The following USH2A variants were observed in gnomAD, a reference collection of about 807,000 sequenced individuals.
USH2A encodes usherin, also known as Usher syndrome 2A (autosomal recessive, mild).
A neutral mutation model predicts 538.9 loss-of-function variants in USH2A; 443 were observed. That is an observed-to-expected ratio of 0.82 (90% CI 0.76 to 0.89). The LOEUF is 0.89. USH2A is among the 40% of genes least tolerant of loss of function. The pLI is 0.00. For synonymous variants in USH2A, 2,413 were observed against 2,273.5 expected (o/e 1.06, Z -1.75); for missense variants, 6,633 against 6,324.8 (o/e 1.05, Z -1.65).
chr1:216,245,272 C>A (rs931112541), intron 13 of USH2A, among the ~76,000 whole-genome samples: 4 of 152,098 alleles, frequency 2.6e-5, no homozygotes, highest in African/African-American at 9.7e-5. Context: ...GTACGTGACA[C>A]CCCTGGCCAC....
intron 20 of USH2A, among the ~76,000 whole-genome samples, chr1:216,185,580 TAA>T (rs2034582836): frequency 6.6e-6 from 1 of 151,902 alleles, no homozygotes. Context: ...CTATTAGACA[TAA>T]GAGTTAAATT....
chr1:216,383,793 G>A (rs2102736886), intron 3 of USH2A, among the ~76,000 whole-genome samples: 1 of 152,016 alleles, frequency 6.6e-6, no homozygotes, highest in South Asian at 2.1e-4. Flanking sequence ...TCCCATCTTA[G>A]CCTTCTGAGT....
At position 216,021,442 on chromosome 1, in the gene USH2A, T is replaced by C. The variant is rs181616412; in HGVS notation, c.6326-20880A>G. 1.1e-4 allele frequency among the ~76,000 whole-genome samples: 16 copies of C among 152,312 alleles called. No homozygotes were observed. The East Asian group carries it at 2.9e-3, about 28-fold the overall frequency. On this transcript the variant is annotated intron_variant, in intron 32 of 71. Coordinates refer to ENST00000307340, the MANE Select transcript of USH2A (RefSeq NM_206933.4). ...TAAGACATCTCTTGCTCTTCTGCCATGATTATGAGGCCTCCACAGCCATGT... is the reference window on the plus strand; with the variant it reads ...TAAGACATCTCTTGCTCTTCTGCCACGATTATGAGGCCTCCACAGCCATGT...
chr1:216,160,024 G>C (rs1253260916), intron 21 of USH2A, among the ~76,000 whole-genome samples: 1 of 151,882 alleles, frequency 6.6e-6, no homozygotes, highest in East Asian at 1.9e-4. Context: ...GCATCCCTGA[G>C]AGTAGTAATC....
chr1:216,212,053 A>C (rs2035252870), intron 15 of USH2A, among the ~76,000 whole-genome samples: 1 of 152,324 alleles, frequency 6.6e-6, no homozygotes. Flanking sequence ...ACTGACCTTC[A>C]GATGATTTTC....
At chr1:215,841,956 A>G (rs1663689210) in intron 46 of USH2A, among the ~76,000 whole-genome samples, 2 of 152,166 alleles carry the variant, frequency 1.3e-5, no homozygotes, top group African/African-American at 4.8e-5. Context: ...TATTTATATT[A>G]AAAAGAGGTA....
intron 61 of USH2A, among the ~76,000 whole-genome samples, chr1:215,683,152 T>A (rs1658294593): frequency 6.6e-6 from 1 of 152,028 alleles, no homozygotes; most frequent in Admixed American, 6.6e-5. Context: ...TGCGCAAAAG[T>A]GCTGGGATTA....
Position 216,323,522 on chromosome 1 carries a change from T to A in USH2A, c.1502A>T (p.Asn501Ile), listed in dbSNP as rs757710086. 6.2e-7 allele frequency: 1 copy of A among 1,613,510 alleles called. No individual in the cohort carries two copies. Among genetic ancestry groups the A allele is most frequent in the Non-Finnish European group, 8.5e-7 (1 of 1,179,718 alleles). The change falls in exon 8 of 72, where the codon AAC (asparagine) becomes ATC (isoleucine). Residue 501 changes from asparagine (N) to isoleucine (I), a missense_variant. Physicochemically the swap from Asn to Ile is moderately radical, Grantham distance 149. Coordinates refer to ENST00000307340, the MANE Select transcript of USH2A (RefSeq NM_206933.4). ...GQYYTTETAV[N>I]LRHRYYAVDE... ...CACTGCATAATATCTGTGTCTGAGG[T>A]TAACAGCAGTCTCAGTTGTATAGTA...
chr1:216,323,436 G>T lies in USH2A; in HGVS notation c.1550+38C>A, dbSNP rs1198650658. 3.7e-6 allele frequency: 6 copies of T among 1,601,338 alleles called. No individual in the cohort carries two copies. The East Asian group carries it at 9.0e-5, about 24-fold the overall frequency. ...AATGTGCTGTTAAGACAGTAAGTAT[G>T]ACAAAAACCTTGTTGAAAACAAAAT... On this transcript the variant is annotated intron_variant, in intron 8 of 71. Coordinates refer to ENST00000307340, the MANE Select transcript of USH2A (RefSeq NM_206933.4).
At chr1:216,240,696 T>G (rs969205495) in intron 13 of USH2A, among the ~76,000 whole-genome samples, 11 of 152,276 alleles carry the variant, frequency 7.2e-5, no homozygotes, top group Middle Eastern at 3.4e-3. Context: ...TATTCAAAAT[T>G]TTCTCCTCAA....
At chr1:215,904,713 T>C (rs997205554) in intron 38 of USH2A, among the ~76,000 whole-genome samples, 1 of 152,042 alleles carries the variant, frequency 6.6e-6, no homozygotes, top group African/African-American at 2.4e-5. Flanking sequence ...GACAACCTCC[T>C]GAATCAACAC....
In USH2A at chr1:215,799,184, C is replaced by T. The variant is rs115806383; in HGVS notation, c.9740-59G>A. ...AGTTAAAAAAATATGCTATGACTAACAATTAACTTTTATCACAATCATCTT... is the reference window on the plus strand; with the variant it reads ...AGTTAAAAAAATATGCTATGACTAATAATTAACTTTTATCACAATCATCTT... On this transcript the variant is annotated intron_variant, in intron 49 of 71. Transcript: ENST00000307340. 8.2e-4 allele frequency: 1,219 copies of T among 1,491,666 alleles called. 13 individuals carry two copies. In the African/African-American group the frequency reaches 0.013, roughly 16 times the overall value. 92.4% of individuals were successfully genotyped at this position (1,491,666 alleles called of 1,614,324 possible).
intron 2 of USH2A, among the ~76,000 whole-genome samples, chr1:216,421,591 G>C (rs910093990): frequency 2.0e-5 from 3 of 152,134 alleles, no homozygotes; most frequent in Admixed American, 6.6e-5. Flanking sequence ...AAGACCAAAG[G>C]TCGCGCTAAG....
intron 38 of USH2A, 105 bp from the exon 39 acceptor site, chr1:215,901,010 A>G (rs1251168451): frequency 2.9e-6 from 4 of 1,373,106 alleles, no homozygotes; most frequent in South Asian, 1.2e-5. Flanking sequence ...CTCAGGATCA[A>G]CAACAATGTT....
rs1663508659 is a variant in USH2A, at chr1:215,836,497, TAATATATA to T, written c.9371+1486_9371+1493del. 1.2e-4 allele frequency among the ~76,000 whole-genome samples: 2 copies of T among 16,826 alleles called. 1 individual carries two copies. The highest frequency in any genetic ancestry group is 3.1e-3 in the Admixed American group (2 of 644). 11.0% of individuals were successfully genotyped at this position (16,826 alleles called of 152,430 possible). A position where few individuals can be genotyped will look rare whatever the true frequency, so the allele number is the denominator to read the frequency against. On this transcript the variant is annotated intron_variant, in intron 47 of 71. Coordinates refer to ENST00000307340, the MANE Select transcript of USH2A (RefSeq NM_206933.4). ...ATATATATAATATATATTATATATA[TAATATATA>T]TTATATATATATAATATATATTATA... is the stretch of plus-strand genomic sequence containing the variant.
intron 3 of USH2A, among the ~76,000 whole-genome samples, chr1:216,365,413 G>A (rs2038577721): frequency 6.6e-6 from 1 of 152,108 alleles, no homozygotes; most frequent in South Asian, 2.1e-4. Flanking sequence ...AATTAAATTT[G>A]TTATGGCTAT....
intron 49 of USH2A, among the ~76,000 whole-genome samples, chr1:215,811,484 C>G (rs1490770431): frequency 6.6e-6 from 1 of 152,176 alleles, no homozygotes; most frequent in Non-Finnish European, 1.5e-5. Context: ...ACTGGCTCAT[C>G]TGATCCTATA....
At chr1:215,710,195 T>C (rs376029818) in intron 61 of USH2A, among the ~76,000 whole-genome samples, 1 of 152,174 alleles carries the variant, frequency 6.6e-6, no homozygotes. Context: ...TAGAAACAGA[T>C]GAAGAGGAGC....
At chr1:215,680,032 A>G in intron 62 of USH2A, 117 bp downstream of exon 62, 2 of 1,005,036 alleles carry the variant, frequency 2.0e-6, no homozygotes, top group East Asian at 2.4e-5. Flanking sequence ...GGAGCTATCA[A>G]GGAGAATTAA....
Sources: allele counts gnomAD v4.1 joint callset (sites outside exome capture counted in the v4.1 genomes callset), GRCh38; gene constraint gnomAD v4.1.1; transcripts MANE v1.5; gene names NCBI Gene and HGNC (gene_info 2026-07-23, HGNC 2026-07-21).